Variants in DMD observed in about 807,000 individuals in gnomAD.
DMD encodes mutant dystrophin.
Under a neutral mutation model 330.1 loss-of-function variants are expected in DMD, and 63 were observed. That is an observed-to-expected ratio of 0.19 (90% confidence interval 0.16 to 0.24). The LOEUF (loss-of-function observed/expected upper bound fraction) is 0.24, where lower values mean the gene tolerates loss of function less well. DMD is among the 10% of genes least tolerant of loss of function. The pLI, the probability that DMD is intolerant of heterozygous loss-of-function variation, is 1.00. For missense variants in DMD, 3,344 were observed against 2,684.1 expected (o/e 1.25, Z -5.43); for synonymous variants, 1,223 against 959.8 (o/e 1.27, Z -5.07).
chrX:31,997,428 G>GTTT (rs778180108), intron 44 of DMD, among the ~76,000 whole-genome samples: 85 of 98,948 alleles, frequency 8.6e-4, no homozygotes, highest in Non-Finnish European at 9.9e-4. Context: ...ATTTTTTTTT[G>GTTT]TTTTTTGTTT....
chrX:32,891,512 T>C (rs1300969821), intron 2 of DMD, among the ~76,000 whole-genome samples: 1 of 112,150 alleles, frequency 8.9e-6, no homozygotes, highest in African/African-American at 3.2e-5. Context: ...AATCAAGAAT[T>C]ATAAGGCGGG....
At chrX:32,627,524 A>C (rs2058432459) in intron 11 of DMD, among the ~76,000 whole-genome samples, 1 of 99,407 alleles carries the variant, frequency 1.0e-5, no homozygotes. Context: ...TGATTCAGCA[A>C]CTGATATTAG....
chrX:32,048,742 CA>C (rs2096082625), intron 44 of DMD, among the ~76,000 whole-genome samples: 1 of 111,157 alleles, frequency 9.0e-6, no homozygotes, highest in Non-Finnish European at 1.9e-5. Flanking sequence ...CTGGTACCTG[CA>C]ACAAAACCTG....
intron 61 of DMD, among the ~76,000 whole-genome samples, chrX:31,334,468 G>C (rs1174016005): frequency 9.0e-6 from 1 of 111,440 alleles, no homozygotes; most frequent in Non-Finnish European, 1.9e-5. Flanking sequence ...CTGTGGAATG[G>C]ATTCCTCCCT....
chrX:32,864,748 T>A (rs770689851), intron 2 of DMD, among the ~76,000 whole-genome samples: 1 of 112,310 alleles, frequency 8.9e-6, no homozygotes, highest in South Asian at 3.7e-4. Flanking sequence ...ATTGTTCGAA[T>A]GTATAATTCA....
At chrX:32,619,826 T>A (rs2057857873) in intron 11 of DMD, among the ~76,000 whole-genome samples, 1 of 111,030 alleles carries the variant, frequency 9.0e-6, no homozygotes. Flanking sequence ...TGACCTAGCA[T>A]CCCCGGAACT....
At chrX:32,321,699 T>A (rs976289377) in intron 41 of DMD, among the ~76,000 whole-genome samples, 1 of 112,071 alleles carries the variant, frequency 8.9e-6, no homozygotes, top group African/African-American at 3.2e-5. Flanking sequence ...GTATCCATGT[T>A]GCTTCTCAAT....
At chrX:31,656,365 CTG>C (rs1394356071) in intron 54 of DMD, among the ~76,000 whole-genome samples, 1 of 111,890 alleles carries the variant, frequency 8.9e-6, no homozygotes, top group African/African-American at 3.2e-5. Flanking sequence ...TTTTAAAAAA[CTG>C]AGAGAGTGGC....
intron 2 of DMD, among the ~76,000 whole-genome samples, chrX:32,962,017 T>G (rs764939434): frequency 6.3e-5 from 7 of 111,830 alleles, no homozygotes; most frequent in Non-Finnish European, 1.3e-4. Flanking sequence ...CAGCATACAA[T>G]AATAGAATAT....
intron 7 of DMD, among the ~76,000 whole-genome samples, chrX:32,714,247 C>T (rs758768967): frequency 9.0e-6 from 1 of 111,249 alleles, no homozygotes; most frequent in Non-Finnish European, 1.9e-5. Context: ...GATCAAGTCT[C>T]GGCTTTTAGT....
chrX:32,989,102 A>G (rs144686512), intron 2 of DMD, among the ~76,000 whole-genome samples: 3,045 of 111,782 alleles, frequency 0.027, 101 homozygotes, highest in African/African-American at 0.092. Flanking sequence ...AGGGTACTAT[A>G]AAGTTTTATT....
In DMD at chrX:32,799,966, A is replaced by T. The variant is rs184967409; in HGVS notation, c.649+9527T>A. Among the ~76,000 whole-genome samples the T allele has an allele frequency of 4.5e-3, 506 of 111,536 alleles. 2 individuals carry two copies. Among genetic ancestry groups the T allele is most frequent in the African/African-American group, 0.015 (456 of 30,755 alleles). The stretch of plus-strand genomic sequence containing the variant: ...CACCAGTTAAGGCCAAAGCATATCA[A>T]ATTCTATATATGAAATCCTACAAGG... On this transcript the variant is annotated intron_variant, in intron 7 of 78. Transcript: ENST00000357033.
chrX:31,822,068 T>C (rs910492524), intron 49 of DMD, among the ~76,000 whole-genome samples: 1 of 112,414 alleles, frequency 8.9e-6, no homozygotes, highest in Non-Finnish European at 1.9e-5. Context: ...TGCCAGTTAC[T>C]AAGCTTACAA....
chrX:32,631,147 G>C (rs1397664777), intron 11 of DMD, among the ~76,000 whole-genome samples: 1 of 111,746 alleles, frequency 8.9e-6, no homozygotes, highest in Non-Finnish European at 1.9e-5. Context: ...GTATTACCTG[G>C]TAGATAATCT....
chrX:32,445,803 A>G (rs1008917789), intron 27 of DMD, among the ~76,000 whole-genome samples: 3 of 111,432 alleles, frequency 2.7e-5, no homozygotes, highest in African/African-American at 9.7e-5. Context: ...CAAAGAACAG[A>G]TTTGTGAAAC....
At chrX:31,246,768 A>G (rs147685252) in intron 63 of DMD, among the ~76,000 whole-genome samples, 1,844 of 111,006 alleles carry the variant, frequency 0.017, 38 homozygotes, top group African/African-American at 0.057. Flanking sequence ...TCCACTAAAA[A>G]TACAAAAATT....
intron 13 of DMD, among the ~76,000 whole-genome samples, chrX:32,593,131 C>A (rs180714862): frequency 1.8e-5 from 2 of 112,733 alleles, no homozygotes; most frequent in Admixed American, 1.9e-4. Context: ...AGGAGCCCAG[C>A]GGGCACAAGC....
chrX:31,179,541 A>T (rs1272503404), intron 69 of DMD, among the ~76,000 whole-genome samples: 5 of 112,315 alleles, frequency 4.5e-5, no homozygotes, highest in Non-Finnish European at 9.4e-5. Flanking sequence ...AGGAGACTGT[A>T]AGAATTAAAG....
chrX:32,165,588 G>A, intron 44 of DMD, among the ~76,000 whole-genome samples: 1 of 112,239 alleles, frequency 8.9e-6, no homozygotes, highest in Non-Finnish European at 1.9e-5. Context: ...ATGAGACTTT[G>A]GACTTGGACT....
Sources: gnomAD v4.1 joint callset for allele counts (sites outside exome capture counted in the v4.1 genomes callset) on GRCh38, gnomAD v4.1.1 for gene constraint, MANE v1.5 for transcripts, NCBI Gene and HGNC (gene_info 2026-07-23, HGNC 2026-07-21) for gene names.